The following PDK1 variants were observed in gnomAD, a reference collection of about 807,000 sequenced individuals.
PDK1 encodes [Pyruvate dehydrogenase (acetyl-transferring)] kinase isozyme 1, mitochondrial.
Under a neutral mutation model 54.2 loss-of-function variants are expected in PDK1, and 39 were observed. The ratio of observed to expected loss-of-function variants is 0.72; its 90% CI spans 0.56 to 0.94. The LOEUF (loss-of-function observed/expected upper bound fraction) is 0.94. Among genes scored for constraint, PDK1 ranks in the 40% least tolerant of loss-of-function variants. The pLI is 0.00. For synonymous variants in PDK1, 221 were observed against 207.1 expected, an observed-to-expected ratio of 1.07 and a Z score of -0.58; for missense variants, 552 against 566.0, an observed-to-expected ratio of 0.98 and a Z score of 0.25.
intron 3 of PDK1, among the ~76,000 whole-genome samples, chr2:172,563,849 C>T (rs1214339423): frequency 6.6e-6 from 1 of 151,802 alleles, no homozygotes; most frequent in African/African-American, 2.4e-5. Flanking sequence ...AAAAAAAAGA[C>T]TTATTTTCTC....
At chr2:172,622,525 ATATAT>A in the PDK1 span, among the ~76,000 whole-genome samples, 4 of 141,584 alleles carry the variant, frequency 2.8e-5, no homozygotes, top group Non-Finnish European at 6.2e-5. Flanking sequence ...TGTTTATATC[ATATAT>A]TATGTGAGAT....
Position 172,605,909 on chromosome 2 carries a change from CT to C in PDK1, c.*9941del, listed in dbSNP as rs2149322503. Reference sequence around the variant, plus strand: ...CTAACTACTACCCCCACAACTCCCCCTCCCCCAAACCTGATAGATGCTATAA... The same window carrying C: ...CTAACTACTACCCCCACAACTCCCCCCCCCCAAACCTGATAGATGCTATAA... On this transcript the variant is annotated 3_prime_UTR_variant, in exon 11 of 11. Transcript: ENST00000282077. The C allele has an allele frequency of 6.6e-6, 1 of 152,314 alleles. No individual in the cohort carries two copies. Among genetic ancestry groups the C allele is most frequent in the South Asian group, 2.1e-4 (1 of 4,812 alleles). The allele number at this position is 152,314 out of a possible 1,614,324, so 9.4% of individuals were successfully genotyped here. A position where few individuals can be genotyped will look rare whatever the true frequency, so the allele number is the denominator to read the frequency against.
At chr2:172,703,435 A>G in the PDK1 span, among the ~76,000 whole-genome samples, 2 of 152,174 alleles carry the variant, frequency 1.3e-5, no homozygotes, top group Non-Finnish European at 2.9e-5. Flanking sequence ...CCATTTTTAT[A>G]TCATTTTCCT....
Position 172,595,888 on chromosome 2 carries a change from T to C in PDK1, c.1230T>C (p.His410=). 1 of 1,613,918 alleles carries C rather than the reference T, an allele frequency of 6.2e-7. No individual in the cohort carries two copies. The highest frequency in any genetic ancestry group is 8.5e-7 in the Non-Finnish European group (1 of 1,179,876). Residue 410 remains histidine (H), a synonymous_variant, in exon 11 of 11, where the codon CAT becomes CAC. Coordinates refer to ENST00000282077, the MANE Select transcript of PDK1 (RefSeq NM_002610.5). Reference sequence around the variant, plus strand: ...TGTATAACAAAGCTGCCTGGAAGCATTACAACACCAACCACGAGGCTGATG... The same window carrying C: ...TGTATAACAAAGCTGCCTGGAAGCACTACAACACCAACCACGAGGCTGATG... The part of the protein sequence containing the change: ...LPVYNKAAWK[H]YNTNHEADDW...
At chr2:172,611,860 G>T (rs1329759615), downstream of PDK1, among the ~76,000 whole-genome samples, 2 of 152,218 alleles carry the variant, frequency 1.3e-5, no homozygotes, top group Admixed American at 6.5e-5. Context: ...ATAGCTAGTG[G>T]TCCCCACGTT....
the PDK1 span, among the ~76,000 whole-genome samples, chr2:172,667,655 A>G: frequency 1.3e-5 from 2 of 152,242 alleles, no homozygotes; most frequent in Non-Finnish European, 2.9e-5. Flanking sequence ...TGTAAAGACC[A>G]TCTGATAAAA....
chr2:172,675,627 G>C, the PDK1 span, among the ~76,000 whole-genome samples: 1 of 152,206 alleles, frequency 6.6e-6, no homozygotes, highest in Admixed American at 6.5e-5. Flanking sequence ...GAAGCTACTA[G>C]AGGTGGGTCC....
the PDK1 span, among the ~76,000 whole-genome samples, chr2:172,650,571 T>C: frequency 0.011 from 1,728 of 152,258 alleles, 8 homozygotes; most frequent in Middle Eastern, 0.044. Context: ...TAGTGTGCTA[T>C]ATTCAGGAGA....
the PDK1 span, among the ~76,000 whole-genome samples, chr2:172,613,676 G>A: frequency 6.6e-6 from 1 of 152,102 alleles, no homozygotes; most frequent in African/African-American, 2.4e-5. Flanking sequence ...CTGAAGGGTG[G>A]TTTTAAAAAC....
chr2:172,571,835 T>G (rs1215162978), intron 8 of PDK1, among the ~76,000 whole-genome samples: 2 of 134,208 alleles, frequency 1.5e-5, no homozygotes, highest in African/African-American at 5.7e-5. Flanking sequence ...TTTTTTTTTT[T>G]TTTTTTTTTT....
At position 172,607,885 on chromosome 2, in the gene PDK1, T is replaced by A. The variant is rs1691347997; in HGVS notation, c.*11916T>A. The A allele has an allele frequency of 6.6e-6, 1 of 152,196 alleles. No homozygotes were observed. Among genetic ancestry groups the A allele is most frequent in the Admixed American group, 6.5e-5 (1 of 15,274 alleles). The allele number at this position is 152,196 out of a possible 1,614,324, so 9.4% of individuals were successfully genotyped here. On this transcript the variant is annotated 3_prime_UTR_variant, in exon 11 of 11. Transcript: ENST00000282077. ...CACCATACTCAGTGTATACTTACAC[T>A]CCAAGACATTTCCTGGGCAGTGATC...
At chr2:172,620,216 GAC>G in the PDK1 span, among the ~76,000 whole-genome samples, 4 of 152,176 alleles carry the variant, frequency 2.6e-5, no homozygotes, top group African/African-American at 9.7e-5. Context: ...GTCTTGGTCA[GAC>G]AAAGGCTGTT....
chr2:172,675,704 G>A, the PDK1 span, among the ~76,000 whole-genome samples: 1 of 152,228 alleles, frequency 6.6e-6, no homozygotes, highest in South Asian at 2.1e-4. Context: ...AGTGCTGAGG[G>A]AGAAGCTGCA....
chr2:172,563,242 G>C (rs953182736), intron 3 of PDK1, among the ~76,000 whole-genome samples: 14 of 152,110 alleles, frequency 9.2e-5, no homozygotes, highest in African/African-American at 2.9e-4. Context: ...AAAATAAGTA[G>C]TCAAGCAGAA....
At chr2:172,587,510 A>G (rs1236588635) in intron 9 of PDK1, among the ~76,000 whole-genome samples, 1 of 150,438 alleles carries the variant, frequency 6.6e-6, no homozygotes, top group Non-Finnish European at 1.5e-5. Flanking sequence ...CGGTGGCTTC[A>G]GGAGTGAAGC....
the PDK1 span, among the ~76,000 whole-genome samples, chr2:172,719,979 A>G: frequency 2.0e-4 from 30 of 152,306 alleles, no homozygotes; most frequent in East Asian, 5.0e-3. Context: ...GAAACAAACA[A>G]TATATATGAT....
the PDK1 span, among the ~76,000 whole-genome samples, chr2:172,675,483 T>G: frequency 1.3e-5 from 2 of 152,216 alleles, no homozygotes; most frequent in Admixed American, 6.5e-5. Context: ...ATGGAGAAGG[T>G]TTGAGTGTTC....
chr2:172,698,958 G>A, the PDK1 span, among the ~76,000 whole-genome samples: 2 of 152,012 alleles, frequency 1.3e-5, no homozygotes, highest in Admixed American at 6.6e-5. Context: ...TGCAAAGGGG[G>A]GTGAGATTTA....
At chr2:172,641,744 C>G in the PDK1 span, among the ~76,000 whole-genome samples, 1 of 152,046 alleles carries the variant, frequency 6.6e-6, no homozygotes, top group African/African-American at 2.4e-5. Context: ...ACACCCTGTC[C>G]CAGATCATTT....
Sources: allele counts gnomAD v4.1 joint callset (sites outside exome capture counted in the v4.1 genomes callset), GRCh38; gene constraint gnomAD v4.1.1; transcripts MANE v1.5; gene names NCBI Gene and HGNC (gene_info 2026-07-23, HGNC 2026-07-21).